The following IGF1R variants were observed in gnomAD, a reference collection of about 807,000 sequenced individuals.
IGF1R encodes insulin-like growth factor 1 receptor.
IGF1R carries 44 observed loss-of-function variants against 144.6 expected under a neutral mutation model. That is an observed-to-expected ratio of 0.30 (90% CI 0.24 to 0.39). The LOEUF (loss-of-function observed/expected upper bound fraction) is 0.39, where lower values mean the gene tolerates loss of function less well. Among genes scored for constraint, IGF1R ranks in the 10% least tolerant of loss-of-function variants. IGF1R has a pLI of 1.00. For synonymous variants in IGF1R, 795 were observed against 722.8 expected (o/e 1.10, Z -1.60); for missense variants, 1,355 against 1,833.7 (o/e 0.74, Z 4.77).
At chr15:98,884,220 C>G (rs904392988) in intron 2 of IGF1R, among the ~76,000 whole-genome samples, 1 of 152,154 alleles carries the variant, frequency 6.6e-6, no homozygotes. Flanking sequence ...TCAGACCTCC[C>G]CCACACCCAA....
intron 3 of IGF1R, among the ~76,000 whole-genome samples, chr15:98,894,239 T>C (rs1443182047): frequency 6.6e-6 from 1 of 152,156 alleles, no homozygotes; most frequent in Non-Finnish European, 1.5e-5. Context: ...TGTACCCAGC[T>C]TCAGATTTTT....
At chr15:98,857,537 T>C (rs771729702) in intron 2 of IGF1R, among the ~76,000 whole-genome samples, 5 of 152,192 alleles carry the variant, frequency 3.3e-5, no homozygotes, top group African/African-American at 7.2e-5. Context: ...TAAAAATAAA[T>C]GTAAATACCC....
chr15:98,758,427 C>T (rs573570717), intron 2 of IGF1R, among the ~76,000 whole-genome samples: 9 of 152,176 alleles, frequency 5.9e-5, no homozygotes, highest in Admixed American at 2.0e-4. Context: ...TGCCCTCAGC[C>T]GTCACACAAG....
At chr15:98,949,107 A>C (rs1022437067) in intron 20 of IGF1R, among the ~76,000 whole-genome samples, 5 of 152,036 alleles carry the variant, frequency 3.3e-5, no homozygotes, top group Non-Finnish European at 7.4e-5. Flanking sequence ...CCCGCGCCCC[A>C]CCTGTGGCAG....
At chr15:98,866,470 G>T (rs1298162453) in intron 2 of IGF1R, among the ~76,000 whole-genome samples, 2 of 152,234 alleles carry the variant, frequency 1.3e-5, no homozygotes, top group Non-Finnish European at 2.9e-5. Context: ...TGGCTTGAAA[G>T]ATTGAACTTC....
At chr15:98,860,270 C>T (rs146601457) in intron 2 of IGF1R, among the ~76,000 whole-genome samples, 68 of 152,352 alleles carry the variant, frequency 4.5e-4, no homozygotes, top group African/African-American at 1.3e-3. Context: ...GGAGTCAGTG[C>T]GCAGCACTTA....
chr15:98,771,467 G>T (rs905523020), intron 2 of IGF1R, among the ~76,000 whole-genome samples: 1 of 152,154 alleles, frequency 6.6e-6, no homozygotes, highest in Non-Finnish European at 1.5e-5. Context: ...ACATGTGGAC[G>T]TATTTGAGGA....
Position 98,916,124 on chromosome 15 carries a change from C to T in IGF1R, c.1989C>T (p.Cys663=). Residue 663 remains cysteine (C), a synonymous_variant, in exon 9 of 21, where the codon TGC becomes TGT. Coordinates refer to ENST00000650285, the MANE Select transcript of IGF1R (RefSeq NM_000875.5). ...QDGYLYRHNY[C]SKDKIPIRKY... ...GCTACCTTTACCGGCACAATTACTG[C>T]TCCAAAGGTAAGGGTGCAGCAGCGG... 6.2e-7 allele frequency: 1 copy of T among 1,614,196 alleles called. No homozygotes were observed. Among genetic ancestry groups the T allele is most frequent in the African/African-American group, 1.3e-5 (1 of 75,058 alleles).
At chr15:98,747,447 C>T (rs1297425553) in intron 2 of IGF1R, among the ~76,000 whole-genome samples, 7 of 152,158 alleles carry the variant, frequency 4.6e-5, no homozygotes, top group Non-Finnish European at 5.9e-5. Flanking sequence ...CCGCCCGCCT[C>T]GGCCTCCCAA....
chr15:98,755,739 A>AGC (rs1567112742), intron 2 of IGF1R, among the ~76,000 whole-genome samples: 6 of 127,390 alleles, frequency 4.7e-5, no homozygotes, highest in African/African-American at 1.8e-4. Flanking sequence ...AAAAAAAAAA[A>AGC]AAAAAAAAAA....
chr15:98,739,674 T>C (rs1283422146), intron 2 of IGF1R, among the ~76,000 whole-genome samples: 1 of 152,184 alleles, frequency 6.6e-6, no homozygotes, highest in Non-Finnish European at 1.5e-5. Context: ...AGTGGCACTA[T>C]CTTGGCTCAC....
In IGF1R at chr15:98,961,451, ACCAACCCACCCAC is replaced by A. The variant is rs1290795318; in HGVS notation, c.*4011_*4023del. The A allele has an allele frequency of 4.3e-6, 1 of 233,304 alleles. No homozygotes were observed. Among genetic ancestry groups the A allele is most frequent in the African/African-American group, 2.2e-5 (1 of 45,342 alleles). 14.5% of individuals were successfully genotyped at this position (233,304 alleles called of 1,614,324 possible). A position where few individuals can be genotyped will look rare whatever the true frequency, so the allele number is the denominator to read the frequency against. On this transcript the variant is annotated 3_prime_UTR_variant, in exon 21 of 21. Transcript: ENST00000650285. ...TGTGATGGTGCAGTCACTTTACTGG[ACCAACCCACCCAC>A]CTTGACTATACCAAGGCATCATCTA...
intron 13 of IGF1R, among the ~76,000 whole-genome samples, chr15:98,926,881 A>G (rs1275700846): frequency 6.6e-6 from 1 of 152,210 alleles, no homozygotes; most frequent in African/African-American, 2.4e-5. Context: ...TGCAGCACCC[A>G]GAAGCTTCAT....
At chr15:98,881,907 T>C (rs970689551) in intron 2 of IGF1R, among the ~76,000 whole-genome samples, 3 of 152,246 alleles carry the variant, frequency 2.0e-5, no homozygotes, top group African/African-American at 7.2e-5. Context: ...ATTAACTGTA[T>C]ATTAATACAA....
intron 2 of IGF1R, among the ~76,000 whole-genome samples, chr15:98,783,400 C>T (rs189182461): frequency 2.5e-4 from 38 of 152,278 alleles, no homozygotes; most frequent in Admixed American, 2.1e-3. Context: ...TAAATAGACT[C>T]ATAGTATGTA....
chr15:98,808,000 T>C (rs2141450493), intron 2 of IGF1R, among the ~76,000 whole-genome samples: 1 of 152,170 alleles, frequency 6.6e-6, no homozygotes, highest in East Asian at 1.9e-4. Context: ...ATGAACATGA[T>C]TTTTTGGTGG....
At chr15:98,821,282 CT>C (rs11301863) in intron 2 of IGF1R, among the ~76,000 whole-genome samples, 3,354 of 137,620 alleles carry the variant, frequency 0.024, 141 homozygotes, top group African/African-American at 0.09. Flanking sequence ...TTAAACACGC[CT>C]CCCCCCCCCC....
intron 2 of IGF1R, among the ~76,000 whole-genome samples, chr15:98,727,184 G>A (rs1170407787): frequency 6.6e-6 from 1 of 152,166 alleles, no homozygotes; most frequent in Non-Finnish European, 1.5e-5. Flanking sequence ...TGTGATGAAT[G>A]ACAGGTTGTC....
At chr15:98,651,138 C>T in intron 1 of IGF1R, 2 of 864,714 alleles carry the variant, frequency 2.3e-6, no homozygotes, top group Non-Finnish European at 2.8e-6. Flanking sequence ...GAAAAAATCA[C>T]GACTGAGCCT....
Sources: allele counts gnomAD v4.1 joint callset (sites outside exome capture counted in the v4.1 genomes callset), GRCh38; gene constraint gnomAD v4.1.1; transcripts MANE v1.5; gene names NCBI Gene and HGNC (gene_info 2026-07-23, HGNC 2026-07-21).